Variants in FIGNL2 observed in about 807,000 individuals in gnomAD.
The protein encoded by FIGNL2 is fidgetin-like protein 2.
For missense variants in FIGNL2, 1,060 were observed against 950.2 expected, an observed-to-expected ratio of 1.12 and a Z score of -1.52; for synonymous variants, 565 against 484.0, an observed-to-expected ratio of 1.17 and a Z score of -2.20.
Position 51,821,770 on chromosome 12 carries a change from C to A in FIGNL2, c.644G>T (p.Gly215Val). 1 of 1,279,346 alleles carries A rather than the reference C, an allele frequency of 7.8e-7. No individual in the cohort carries two copies. Among genetic ancestry groups the A allele is most frequent in the Non-Finnish European group, 9.8e-7 (1 of 1,019,496 alleles). 79.2% of individuals were successfully genotyped at this position (1,279,346 alleles called of 1,614,324 possible). ...YPAGGYAAQP[G>V]YGALPPPPGP... ...TGGGGGCGGCGGGAGCGCGCCATAGCCGGGCTGCGCTGCGTAGCCCCCTGC... is the reference window on the plus strand; with the variant it reads ...TGGGGGCGGCGGGAGCGCGCCATAGACGGGCTGCGCTGCGTAGCCCCCTGC... The change falls in exon 2 of 2, where the codon GGC becomes GTC. Residue 215 changes from glycine to valine, a missense_variant. Physicochemically the swap from Gly to Val is moderately radical, Grantham distance 109. Coordinates refer to ENST00000618634, the MANE Select transcript of FIGNL2 (RefSeq NM_001384995.1).
At chr12:51,834,731 G>A (rs564696474) in intron 1 of FIGNL2, among the ~76,000 whole-genome samples, 7 of 152,332 alleles carry the variant, frequency 4.6e-5, no homozygotes, top group East Asian at 1.9e-4. Flanking sequence ...CTGTGTCCGC[G>A]GTCAGGGCCA....
At position 51,820,833 on chromosome 12, in the gene FIGNL2, G is replaced by C. The variant is rs560454817; in HGVS notation, c.1581C>G (p.Asp527Glu). The C allele has an allele frequency of 1.3e-5, 19 of 1,463,314 alleles. No homozygotes were observed. In the South Asian group the frequency reaches 2.5e-4, roughly 19 times the overall value. 90.6% of individuals were successfully genotyped at this position (1,463,314 alleles called of 1,614,324 possible). The change falls in exon 2 of 2, where the codon GAC (aspartate) becomes GAG (glutamate). Residue 527 changes from aspartate to glutamate, a missense_variant. Physicochemically the swap from Asp to Glu is conservative, Grantham distance 45 (BLOSUM62 2). Transcript: ENST00000618634. The stretch of plus-strand genomic sequence containing the variant: ...AGGTGGTGCCCACAACCAGCACGCC[G>C]TCAGCCCCCGCGCCGCAGCCCCCGT... ...CLDGGCGAGA[D>E]GVLVVGTTSR...
intron 1 of FIGNL2, among the ~76,000 whole-genome samples, chr12:51,844,302 C>T (rs1939708286): frequency 6.6e-6 from 1 of 152,160 alleles, no homozygotes; most frequent in Non-Finnish European, 1.5e-5. Context: ...TGGCCACTGC[C>T]CAGCTCTCCC....
Position 51,845,460 on chromosome 12 carries a change from G to GCCC in FIGNL2, c.-12+3077_-12+3079dup, listed in dbSNP as rs35845683. ...CATACTTGACCTCTTGTGGCTCACC[G>GCCC]CCCCCCCCCCACAGTCTCTGTCCCC... On this transcript the variant is annotated intron_variant, in intron 1 of 1. Transcript: ENST00000618634. 7 of 942,156 alleles carry GCCC rather than the reference G, an allele frequency of 7.4e-6. No individual in the cohort carries two copies. In the East Asian group the frequency reaches 3.6e-4, roughly 48 times the overall value. 58.4% of individuals were successfully genotyped at this position (942,156 alleles called of 1,614,324 possible).
intron 1 of FIGNL2, among the ~76,000 whole-genome samples, chr12:51,833,103 A>G (rs1209186165): frequency 1.3e-5 from 2 of 152,144 alleles, no homozygotes; most frequent in South Asian, 2.1e-4. Flanking sequence ...ACTGGAGTGC[A>G]GCGGCGTGAT....
intron 1 of FIGNL2, among the ~76,000 whole-genome samples, chr12:51,826,640 CAAAAAAA>C (rs4025910): frequency 3.8e-5 from 4 of 104,388 alleles, no homozygotes; most frequent in African/African-American, 3.9e-5. Context: ...ACTCCCATCT[CAAAAAAA>C]AAAAAAAAAA....
At chr12:51,834,739 C>G (rs559624039) in intron 1 of FIGNL2, among the ~76,000 whole-genome samples, 21 of 152,330 alleles carry the variant, frequency 1.4e-4, no homozygotes, top group Non-Finnish European at 2.2e-4. Context: ...GCGGTCAGGG[C>G]CACAGCCAAG....
At chr12:51,842,099 A>T (rs1939673307) in intron 1 of FIGNL2, 1 of 139,468 alleles carries the variant, frequency 7.2e-6, no homozygotes, top group African/African-American at 2.5e-5. Flanking sequence ...GATCACTACA[A>T]ACTCAACAAG....
chr12:51,821,432 C>T lies in FIGNL2; in HGVS notation c.982G>A (p.Val328Ile). The T allele has an allele frequency of 6.5e-7, 1 of 1,537,944 alleles. No individual in the cohort carries two copies. The highest frequency in any genetic ancestry group is 8.7e-7 in the Non-Finnish European group (1 of 1,144,926). Residue 328 changes from valine to isoleucine, a missense_variant, in exon 2 of 2, where the codon GTC becomes ATC. Val to Ile is a conservative substitution (Grantham distance 29). Coordinates refer to ENST00000618634, the MANE Select transcript of FIGNL2 (RefSeq NM_001384995.1). ...GGGGAGCCCAGGACCTTGAGGGGGA[C>T]GCCGCCACCGTACTTGCCCGACGCC... ...EEASGKYGGG[V>I]PLKVLGSPVY... is the part of the protein sequence containing the mutation.
rs547002480 is a variant in FIGNL2 at position 51,843,743 on chromosome 12, C to T, written c.-12+4797G>A. 8.5e-5 allele frequency among the ~76,000 whole-genome samples: 13 copies of T among 152,198 alleles called. No homozygotes were observed. In the South Asian group the frequency reaches 2.7e-3, roughly 32 times the overall value. ...CTCCTCCCATCTACCTGCCCACCCC[C>T]TGTCTGCCCTGACTCCATGTCGGAG... is the stretch of plus-strand genomic sequence containing the variant. On this transcript the variant is annotated intron_variant, in intron 1 of 1. Coordinates refer to ENST00000618634, the MANE Select transcript of FIGNL2 (RefSeq NM_001384995.1).
At position 51,829,986 on chromosome 12, in the gene FIGNL2, A is replaced by T. The variant is rs1939421415; in HGVS notation, c.-11-7562T>A. Among the ~76,000 whole-genome samples, 3 of 152,132 alleles carry T rather than the reference A, an allele frequency of 2.0e-5. No homozygotes were observed. In the South Asian group the frequency reaches 6.2e-4, roughly 31 times the overall value. Reference sequence around the variant, plus strand: ...TAGAGTTAATAAAAGTGCATTGTATACTTGAAGATTACTGAGAGTAGGCCT... The same window carrying T: ...TAGAGTTAATAAAAGTGCATTGTATTCTTGAAGATTACTGAGAGTAGGCCT... On this transcript the variant is annotated intron_variant, in intron 1 of 1. Coordinates refer to ENST00000618634, the MANE Select transcript of FIGNL2 (RefSeq NM_001384995.1).
Position 51,834,063 on chromosome 12 carries a change from G to GGATGAATA in FIGNL2, c.-11-11640_-11-11639insTATTCATC, listed in dbSNP as rs1178675216. Among the ~76,000 whole-genome samples, 1,424 of 148,504 alleles carry GGATGAATA rather than the reference G, an allele frequency of 9.6e-3. 3 individuals are homozygous for GGATGAATA. The highest frequency in any genetic ancestry group is 0.014 in the Non-Finnish European group (897 of 65,744). The stretch of plus-strand genomic sequence containing the variant: ...TGGATGAATGGACAGATGGACAGAT[G>GGATGAATA]GACAGATGGATGAATAGACAGACAG... On this transcript the variant is annotated intron_variant, in intron 1 of 1. Coordinates refer to ENST00000618634, the MANE Select transcript of FIGNL2 (RefSeq NM_001384995.1).
In FIGNL2 at chr12:51,820,164, C is replaced by T; in HGVS notation, c.*288G>A. ...AAGAGAGCAGGAGTTCTTAAGGCCC[C>T]GGGTGCCAGCCCATGCCGGATCTGC... On this transcript the variant is annotated 3_prime_UTR_variant, in exon 2 of 2. Coordinates refer to ENST00000618634, the MANE Select transcript of FIGNL2 (RefSeq NM_001384995.1). 5 of 443,862 alleles carry T rather than the reference C, an allele frequency of 1.1e-5. No individual in the cohort carries two copies. Among genetic ancestry groups the T allele is most frequent in the Non-Finnish European group, 2.0e-5 (5 of 248,234 alleles). The allele number at this position is 443,862 out of a possible 1,614,324, so 27.5% of individuals were successfully genotyped here.
At chr12:51,824,665 A>G (rs1939296869) in intron 1 of FIGNL2, among the ~76,000 whole-genome samples, 1 of 152,200 alleles carries the variant, frequency 6.6e-6, no homozygotes, top group Admixed American at 6.5e-5. Context: ...CAAAGATCAG[A>G]GGCATTACCT....
chr12:51,829,004 A>G (rs921963665), intron 1 of FIGNL2, among the ~76,000 whole-genome samples: 1 of 152,160 alleles, frequency 6.6e-6, no homozygotes, highest in Non-Finnish European at 1.5e-5. Flanking sequence ...AAATTCTCTG[A>G]TTCTGGATTC....
chr12:51,821,394 C>T lies in FIGNL2; in HGVS notation c.1020G>A (p.Pro340=). 1.3e-6 allele frequency: 2 copies of T among 1,522,148 alleles called. No homozygotes were observed. Among genetic ancestry groups the T allele is most frequent in the Non-Finnish European group, 8.8e-7 (1 of 1,137,304 alleles). 94.3% of individuals were successfully genotyped at this position (1,522,148 alleles called of 1,614,324 possible). A position where few individuals can be genotyped will look rare whatever the true frequency, so the allele number is the denominator to read the frequency against. Reference sequence around the variant, plus strand: ...GGAACTTTTCAAAGGGCTCCAGTTGCGGGCCGTAGACGGGGGAGCCCAGGA... The same window carrying T: ...GGAACTTTTCAAAGGGCTCCAGTTGTGGGCCGTAGACGGGGGAGCCCAGGA... ...LKVLGSPVYG[P]QLEPFEKFPE... Residue 340 remains proline (P), a synonymous_variant, in exon 2 of 2, where the codon CCG becomes CCA. Transcript: ENST00000618634.
At position 51,822,023 on chromosome 12, in the gene FIGNL2, C is replaced by G; in HGVS notation, c.391G>C (p.Gly131Arg). 1 of 1,602,210 alleles carries G rather than the reference C, an allele frequency of 6.2e-7. No homozygotes were observed. The highest frequency in any genetic ancestry group is 1.1e-5 in the South Asian group (1 of 89,166). ...GGGGGSGALG[G>R]SPVLAGNLPE... Reference sequence around the variant, plus strand: ...AGGTTCCCGGCTAAAACTGGGGAGCCCCCCAGGGCCCCGGAACCGCCGCCA... The same window carrying G: ...AGGTTCCCGGCTAAAACTGGGGAGCGCCCCAGGGCCCCGGAACCGCCGCCA... Residue 131 changes from glycine to arginine, a missense_variant, in exon 2 of 2, where the codon GGC becomes CGC. Physicochemically the swap from Gly to Arg is moderately radical, Grantham distance 125 (BLOSUM62 -2). Transcript: ENST00000618634.
rs1386081037 is a variant in FIGNL2 at position 51,821,075 on chromosome 12, T to C, written c.1339A>G (p.Thr447Ala). 12 of 1,288,768 alleles carry C rather than the reference T, an allele frequency of 9.3e-6. No individual in the cohort carries two copies. Among genetic ancestry groups the C allele is most frequent in the Non-Finnish European group, 1.1e-5 (11 of 1,022,848 alleles). 79.8% of individuals were successfully genotyped at this position (1,288,768 alleles called of 1,614,324 possible). ...GKALLGRCLA[T>A]QLGATLLRLR... is the part of the protein sequence containing the mutation. Reference sequence around the variant, plus strand: ...CGCAACAGCGTGGCGCCCAGCTGCGTGGCGAGGCAGCGGCCCAGCAGCGCT... The same window carrying C: ...CGCAACAGCGTGGCGCCCAGCTGCGCGGCGAGGCAGCGGCCCAGCAGCGCT... Residue 447 changes from threonine (T) to alanine (A), a missense_variant, in exon 2 of 2, where the codon ACG (threonine) becomes GCG (alanine). By Grantham distance (58) the Thr-to-Ala change is moderately conservative. Coordinates refer to ENST00000618634, the MANE Select transcript of FIGNL2 (RefSeq NM_001384995.1).
In FIGNL2 at chr12:51,820,748, C is replaced by A; in HGVS notation, c.1666G>T (p.Ala556Ser). The A allele has an allele frequency of 6.7e-7, 1 of 1,486,246 alleles. No homozygotes were observed. The highest frequency in any genetic ancestry group is 8.9e-7 in the Non-Finnish European group (1 of 1,127,242). The allele number at this position is 1,486,246 out of a possible 1,614,324, so 92.1% of individuals were successfully genotyped here. The change falls in exon 2 of 2, where the codon GCG (alanine) becomes TCG (serine). Residue 556 changes from alanine (A) to serine (S), a missense_variant. Coordinates refer to ENST00000618634, the MANE Select transcript of FIGNL2 (RefSeq NM_001384995.1). ...RRRFSLRFYV[A>S]LPDSPARGQI... is the part of the protein sequence containing the mutation. ...CCGCGGGCCGGGCTGTCGGGCAGCGCCACGTAGAAGCGGAGAGAGAAGCGC... is the reference window on the plus strand; with the variant it reads ...CCGCGGGCCGGGCTGTCGGGCAGCGACACGTAGAAGCGGAGAGAGAAGCGC...
Sources: allele counts gnomAD v4.1 joint callset (sites outside exome capture counted in the v4.1 genomes callset), GRCh38; gene constraint gnomAD v4.1.1; transcripts MANE v1.5; gene names NCBI Gene and HGNC (gene_info 2026-07-23, HGNC 2026-07-21).